STPG2: variants seen among roughly 807,000 people sequenced by gnomAD.
STPG2 encodes the protein sperm-tail PG-rich repeat-containing protein 2.
A neutral mutation model predicts 54.2 loss-of-function variants in STPG2; 56 were observed. The observed-to-expected ratio is 1.03, with a 90% CI of 0.83 to 1.29. STPG2 has a LOEUF of 1.29. Ranked by LOEUF, STPG2 falls within the 50% of genes most tolerant of loss-of-function variation. STPG2 has a pLI of 0.00. For synonymous variants in STPG2, 200 were observed against 181.8 expected (o/e 1.10, Z -0.81); for missense variants, 596 against 544.9 (o/e 1.09, Z -0.93).
intron 4 of STPG2, among the ~76,000 whole-genome samples, chr4:97,520,030 T>C (rs1474934556): frequency 6.6e-6 from 1 of 151,964 alleles, no homozygotes; most frequent in African/African-American, 2.4e-5. Context: ...ACCTACTCTA[T>C]CAGGATGCTA....
chr4:98,017,134 G>T (rs1034526994), intron 5 of STPG2, among the ~76,000 whole-genome samples: 1 of 152,204 alleles, frequency 6.6e-6, no homozygotes, highest in African/African-American at 2.4e-5. Flanking sequence ...ATCTGCAAGG[G>T]CCAGACTGGT....
intron 10 of STPG2, among the ~76,000 whole-genome samples, chr4:97,616,932 G>A (rs1324733152): frequency 6.6e-6 from 1 of 151,998 alleles, no homozygotes; most frequent in South Asian, 2.1e-4. Context: ...AATTCATGAA[G>A]TTTAAAAACA....
chr4:97,976,913 T>C (rs1560619071), intron 6 of STPG2, among the ~76,000 whole-genome samples: 1 of 152,182 alleles, frequency 6.6e-6, no homozygotes, highest in Non-Finnish European at 1.5e-5. Context: ...AGTTAATACT[T>C]AGAAATAATT....
chr4:97,628,602 G>A (rs1171655673), intron 10 of STPG2, among the ~76,000 whole-genome samples: 1 of 151,924 alleles, frequency 6.6e-6, no homozygotes, highest in Non-Finnish European at 1.5e-5. Flanking sequence ...TTCATCAATT[G>A]CAAGAAGCTT....
chr4:97,829,652 A>G (rs1728383171), intron 9 of STPG2, among the ~76,000 whole-genome samples: 1 of 152,198 alleles, frequency 6.6e-6, no homozygotes, highest in African/African-American at 2.4e-5. Context: ...ATTGTTAAAT[A>G]GAATAACCAG....
At chr4:97,539,189 A>G (rs1282726633) in intron 4 of STPG2, among the ~76,000 whole-genome samples, 1 of 152,350 alleles carries the variant, frequency 6.6e-6, no homozygotes, top group Admixed American at 6.5e-5. Context: ...TTCACACATA[A>G]CAATATTAAC....
chr4:97,609,455 G>A (rs1733680991), intron 10 of STPG2, among the ~76,000 whole-genome samples: 1 of 151,950 alleles, frequency 6.6e-6, no homozygotes, highest in Non-Finnish European at 1.5e-5. Context: ...AGATTCTGCT[G>A]TCATAAGAAA....
At chr4:97,800,565 G>T (rs1451167248) in intron 9 of STPG2, among the ~76,000 whole-genome samples, 1 of 152,144 alleles carries the variant, frequency 6.6e-6, no homozygotes, top group East Asian at 1.9e-4. Flanking sequence ...AGTGGTACCC[G>T]GCCGTGTGAG....
In STPG2 at chr4:97,502,617, G is replaced by A. The variant is rs185776097; in HGVS notation, c.462+210082C>T. Among the ~76,000 whole-genome samples the A allele has an allele frequency of 2.8e-4, 43 of 151,636 alleles. No individual in the cohort carries two copies. In the East Asian group the frequency reaches 7.8e-3, roughly 28 times the overall value. Reference sequence around the variant, plus strand: ...CAAGAATTCAAAAATTTAAAAAAATGAAATAGCCATACTTAGTAAAGAAAT... The same window carrying A: ...CAAGAATTCAAAAATTTAAAAAAATAAAATAGCCATACTTAGTAAAGAAAT... On this transcript the variant is annotated intron_variant, in intron 4 of 4. Transcript: ENST00000522676.
intron 8 of STPG2, among the ~76,000 whole-genome samples, chr4:97,871,412 T>TA (rs1305172972): frequency 3.3e-5 from 5 of 150,390 alleles, no homozygotes; most frequent in East Asian, 1.9e-4. Flanking sequence ...AATTTTTTTT[T>TA]AAAAAGGGGG....
intron 8 of STPG2, among the ~76,000 whole-genome samples, chr4:97,845,430 A>G (rs1728920007): frequency 6.6e-6 from 1 of 152,162 alleles, no homozygotes; most frequent in Non-Finnish European, 1.5e-5. Flanking sequence ...ATCTATCTAA[A>G]TAAATAGAAT....
At chr4:97,876,768 C>A (rs896622573) in intron 8 of STPG2, among the ~76,000 whole-genome samples, 1 of 151,778 alleles carries the variant, frequency 6.6e-6, no homozygotes, top group Non-Finnish European at 1.5e-5. Context: ...AACAGTATTT[C>A]ATTAAAGGTT....
intron 10 of STPG2, among the ~76,000 whole-genome samples, chr4:97,674,253 A>AT (rs1029954043): frequency 5.3e-5 from 8 of 152,176 alleles, no homozygotes; most frequent in African/African-American, 1.7e-4. Context: ...AGGTTCACAC[A>AT]TTTTTTGAGT....
intron 9 of STPG2, among the ~76,000 whole-genome samples, chr4:97,767,703 A>G (rs947455952): frequency 3.3e-5 from 5 of 152,166 alleles, no homozygotes; most frequent in African/African-American, 9.7e-5. Context: ...TGAATGTGTT[A>G]TTTTAATCAG....
rs189389106 is a variant in STPG2 at position 98,040,597 on chromosome 4, G to A, written c.613-59279C>T. Among the ~76,000 whole-genome samples, 641 of 151,814 alleles carry A rather than the reference G, an allele frequency of 4.2e-3. 3 individuals are homozygous for A. Among genetic ancestry groups the A allele is most frequent in the South Asian group, 0.025 (118 of 4,806 alleles). On this transcript the variant is annotated intron_variant, in intron 5 of 10. Coordinates refer to ENST00000295268, the MANE Select transcript of STPG2 (RefSeq NM_174952.3). Reference sequence around the variant, plus strand: ...GGACCTTTTCCCTATATATGTTTTTGTTGACTTTATTAAAGATAAGTTGGC... The same window carrying A: ...GGACCTTTTCCCTATATATGTTTTTATTGACTTTATTAAAGATAAGTTGGC...
At chr4:97,507,418 A>G (rs1730876510) in intron 4 of STPG2, among the ~76,000 whole-genome samples, 2 of 152,086 alleles carry the variant, frequency 1.3e-5, no homozygotes, top group African/African-American at 4.8e-5. Flanking sequence ...ATGAATCCAA[A>G]ACTGATTGCA....
chr4:98,030,069 A>C (rs572992710), intron 5 of STPG2, among the ~76,000 whole-genome samples: 6 of 152,272 alleles, frequency 3.9e-5, no homozygotes, highest in African/African-American at 1.2e-4. Flanking sequence ...AGGCCCCTGA[A>C]ATTTCATGGG....
chr4:97,933,601 C>A (rs1019370502), intron 8 of STPG2, among the ~76,000 whole-genome samples: 1 of 152,190 alleles, frequency 6.6e-6, no homozygotes, highest in Non-Finnish European at 1.5e-5. Context: ...GTTTTCCCAG[C>A]ACCATTTATT....
intron 3 of STPG2, among the ~76,000 whole-genome samples, chr4:98,111,987 C>T (rs989425530): frequency 5.3e-5 from 8 of 152,032 alleles, no homozygotes; most frequent in Non-Finnish European, 1.0e-4. Flanking sequence ...GTTATACCAT[C>T]AGCTCCCGTG....
Sources: gnomAD v4.1 joint callset for allele counts (sites outside exome capture counted in the v4.1 genomes callset) on GRCh38, gnomAD v4.1.1 for gene constraint, MANE v1.5 for transcripts, NCBI Gene and HGNC (gene_info 2026-07-23, HGNC 2026-07-21) for gene names.